Variants in PHF19 observed in about 807,000 individuals in gnomAD.
PHF19 encodes the protein polycomb like 3.
A neutral mutation model predicts 79.8 loss-of-function variants in PHF19; 21 were observed. The ratio of observed to expected loss-of-function variants is 0.26; its 90% CI spans 0.19 to 0.38. The LOEUF is 0.38. PHF19 is among the 10% of genes least tolerant of loss of function. The pLI, the probability that PHF19 is intolerant of heterozygous loss-of-function variation, is 1.00. For synonymous variants in PHF19, 273 were observed against 296.3 expected, an observed-to-expected ratio of 0.92 and a Z score of 0.81; for missense variants, 445 against 744.2, an observed-to-expected ratio of 0.60 and a Z score of 4.68.
chr9:120,895,853 A>C (rs2046397069), upstream of PHF19, among the ~76,000 whole-genome samples: 1 of 152,144 alleles, frequency 6.6e-6, no homozygotes, highest in African/African-American at 2.4e-5. Context: ...GGGTTTCACC[A>C]CGTTGGCCAG....
At position 120,862,937 on chromosome 9, in the gene PHF19, G is replaced by T; in HGVS notation, c.969-188C>A. On this transcript the variant is annotated intron_variant, in intron 10 of 14. Coordinates refer to ENST00000373896, the MANE Select transcript of PHF19 (RefSeq NM_015651.3). This position sits in a 1 kb window ranked among gnomAD's most constrained non-coding sequence, Gnocchi z 4.6. ...GGTTCCAGGTAGCAGCTGAGAACACGGCTGGTGCCTCCTCCCTGTGCTTCC... is the reference window on the plus strand; with the variant it reads ...GGTTCCAGGTAGCAGCTGAGAACACTGCTGGTGCCTCCTCCCTGTGCTTCC... The T allele has an allele frequency of 3.4e-6, 2 of 592,194 alleles. No individual in the cohort carries two copies. Among genetic ancestry groups the T allele is most frequent in the Admixed American group, 2.9e-5 (1 of 33,928 alleles). The allele number at this position is 592,194 out of a possible 1,614,324, so 36.7% of individuals were successfully genotyped here. A position where few individuals can be genotyped will look rare whatever the true frequency, so the allele number is the denominator to read the frequency against.
upstream of PHF19, among the ~76,000 whole-genome samples, chr9:120,897,886 G>A (rs1282244811): frequency 1.3e-5 from 2 of 151,000 alleles, no homozygotes; most frequent in Admixed American, 1.3e-4. Context: ...GGCTGAGGCA[G>A]GAGACCTACT....
chr9:120,884,145 T>A (rs1334856957), intron 1 of PHF19, among the ~76,000 whole-genome samples: 1 of 152,228 alleles, frequency 6.6e-6, no homozygotes, highest in Non-Finnish European at 1.5e-5. Flanking sequence ...TTTGTCTTCT[T>A]GTTTTTTATC....
Position 120,869,136 on chromosome 9 carries a change from T to A in PHF19, c.614+46A>T. 1 of 1,565,918 alleles carries A rather than the reference T, an allele frequency of 6.4e-7. No individual in the cohort carries two copies. Among genetic ancestry groups the A allele is most frequent in the South Asian group, 1.2e-5 (1 of 85,646 alleles). The stretch of plus-strand genomic sequence containing the variant: ...ATGGGCGGTCCCTGCTGGCGATTCT[T>A]GGAGACCTGCCCTGCCGCCCGGGGG... On this transcript the variant is annotated intron_variant, in intron 6 of 14. Coordinates refer to ENST00000373896, the MANE Select transcript of PHF19 (RefSeq NM_015651.3). This position sits in a 1 kb window ranked among gnomAD's most constrained non-coding sequence, Gnocchi z 5.8.
chr9:120,896,949 TAGTGGGCAGGGCCCA>T (rs2046407861), upstream of PHF19, among the ~76,000 whole-genome samples: 1 of 152,188 alleles, frequency 6.6e-6, no homozygotes, highest in African/African-American at 2.4e-5. Flanking sequence ...GCCCAGAGTG[TAGTGGGCAGGGCCCA>T]CAGCCCACCC....
chr9:120,889,291 T>C (rs2046308400), intron 1 of PHF19, among the ~76,000 whole-genome samples: 1 of 152,102 alleles, frequency 6.6e-6, no homozygotes, highest in South Asian at 2.1e-4. Context: ...CTGGGCATGG[T>C]GGCAGGCGCC....
intron 9 of PHF19, among the ~76,000 whole-genome samples, chr9:120,865,311 C>T (rs2045666463): frequency 6.6e-6 from 1 of 152,172 alleles, no homozygotes; most frequent in African/African-American, 2.4e-5. Context: ...TCTGACATTC[C>T]GAAAGTCTCC....
intron 1 of PHF19, 178 bp downstream of exon 1, chr9:120,876,913 C>T (rs1183925140): frequency 4.2e-6 from 4 of 946,468 alleles, no homozygotes; most frequent in Non-Finnish European, 5.0e-6. Flanking sequence ...GGTGGGGCCC[C>T]TCTGCCCCGC....
intron 14 of PHF19, among the ~76,000 whole-genome samples, chr9:120,858,629 C>T (rs1016086678): frequency 1.2e-4 from 18 of 152,168 alleles, no homozygotes; most frequent in African/African-American, 2.7e-4. Context: ...GCTAGGATCC[C>T]GGCACTGCAA....
chr9:120,862,483 G>A lies in PHF19; in HGVS notation c.1130+105C>T, dbSNP rs956832194. On this transcript the variant is annotated intron_variant, in intron 11 of 14. Transcript: ENST00000373896. This position sits in a 1 kb window ranked among gnomAD's most constrained non-coding sequence, Gnocchi z 4.6. ...CTCAGCCACTATCTAGCCCTCTCAG[G>A]GTCCTACAGCTGGGACTGGCTGGGT... 13 of 947,444 alleles carry A rather than the reference G, an allele frequency of 1.4e-5. No homozygotes were observed. In the South Asian group the frequency reaches 1.8e-4, roughly 13 times the overall value. 58.7% of individuals were successfully genotyped at this position (947,444 alleles called of 1,614,324 possible).
chr9:120,873,758 C>T (rs1476935628), intron 3 of PHF19, among the ~76,000 whole-genome samples: 1 of 152,242 alleles, frequency 6.6e-6, no homozygotes, highest in African/African-American at 2.4e-5. Context: ...CCCATCCTCC[C>T]TCCTGGGGTA....
In PHF19 at chr9:120,874,282, A is replaced by G. The variant is rs528231331; in HGVS notation, c.187-222T>C. On this transcript the variant is annotated intron_variant, in intron 2 of 14. Transcript: ENST00000373896. This position sits in a 1 kb window ranked among gnomAD's most constrained non-coding sequence, Gnocchi z 4.5. ...TGGTCAGAATGTTGAGGACAGAAGCACAAGTCAGATGCTCCTCTGTGATCC... is the reference window on the plus strand; with the variant it reads ...TGGTCAGAATGTTGAGGACAGAAGCGCAAGTCAGATGCTCCTCTGTGATCC... 2.0e-4 allele frequency among the ~76,000 whole-genome samples: 30 copies of G among 152,314 alleles called. No homozygotes were observed. The highest frequency in any genetic ancestry group is 2.9e-5 in the Non-Finnish European group (2 of 68,026).
chr9:120,888,090 A>G (rs1467352318), intron 1 of PHF19, among the ~76,000 whole-genome samples: 1 of 152,196 alleles, frequency 6.6e-6, no homozygotes, highest in African/African-American at 2.4e-5. Context: ...CTCCTGCCTC[A>G]GCCTCCCAAG....
intron 1 of PHF19, among the ~76,000 whole-genome samples, chr9:120,876,624 T>C (rs1217344564): frequency 6.6e-6 from 1 of 151,952 alleles, no homozygotes; most frequent in Non-Finnish European, 1.5e-5. Context: ...GGATGATTCA[T>C]GCGCCGGGGC....
chr9:120,860,273 C>A lies in PHF19; in HGVS notation c.1305-88G>T. On this transcript the variant is annotated intron_variant, in intron 13 of 14. Transcript: ENST00000373896. The surrounding 1 kb of genome is among the most constrained non-coding windows in gnomAD (Gnocchi z 4.1). ...CCCGCAGGTTCCCCTAACATGCATC[C>A]TTCATCCCAGTGGAGGCCCGTCTTC... is the stretch of plus-strand genomic sequence containing the variant. 1.4e-6 allele frequency: 1 copy of A among 724,634 alleles called. No individual in the cohort carries two copies. 44.9% of individuals were successfully genotyped at this position (724,634 alleles called of 1,614,324 possible).
intron 3 of PHF19, among the ~76,000 whole-genome samples, chr9:120,871,974 G>A (rs2045908535): frequency 7.6e-6 from 1 of 131,346 alleles, no homozygotes; most frequent in African/African-American, 2.7e-5. Flanking sequence ...GGAGGCAGAG[G>A]TTGCTGTGAG....
chr9:120,865,160 T>C (rs1417054414), intron 9 of PHF19, among the ~76,000 whole-genome samples: 1 of 152,188 alleles, frequency 6.6e-6, no homozygotes, highest in Non-Finnish European at 1.5e-5. Flanking sequence ...TGCCTCACTC[T>C]GTATGTGGTG....
chr9:120,901,706 C>T, the PHF19 span, among the ~76,000 whole-genome samples: 1 of 152,154 alleles, frequency 6.6e-6, no homozygotes, highest in Non-Finnish European at 1.5e-5. Flanking sequence ...TATGGCCAGA[C>T]CCAGGGAGCC....
chr9:120,880,835 C>T (rs920448048), upstream of PHF19, among the ~76,000 whole-genome samples: 2 of 151,894 alleles, frequency 1.3e-5, no homozygotes, highest in African/African-American at 2.4e-5. Context: ...TGGCATGCAC[C>T]TGTAGTCCCA....
Sources: gnomAD v4.1 joint callset for allele counts (sites outside exome capture counted in the v4.1 genomes callset) on GRCh38, gnomAD v4.1.1 for gene constraint, Gnocchi (gnomAD v3.1) non-coding constraint, MANE v1.5 for transcripts, NCBI Gene and HGNC (gene_info 2026-07-23, HGNC 2026-07-21) for gene names.